Variants in NAP1L1 observed in about 807,000 individuals in gnomAD.
The protein encoded by NAP1L1 is nucleosome assembly protein 1 like 1.
NAP1L1 carries 9 observed loss-of-function variants against 58.9 expected under a neutral mutation model. That is an observed-to-expected ratio of 0.15 (90% CI 0.09 to 0.27). The LOEUF (loss-of-function observed/expected upper bound fraction) is 0.27. NAP1L1 is among the 10% of genes least tolerant of loss of function. NAP1L1 has a pLI of 1.00. For missense variants in NAP1L1, 302 were observed against 458.8 expected, an observed-to-expected ratio of 0.66 and a Z score of 3.12; for synonymous variants, 130 against 138.3, an observed-to-expected ratio of 0.94 and a Z score of 0.42.
At chr12:76,073,113 G>C (rs1056751275) in intron 2 of NAP1L1, among the ~76,000 whole-genome samples, 1 of 151,288 alleles carries the variant, frequency 6.6e-6, no homozygotes, top group Non-Finnish European at 1.5e-5. Flanking sequence ...CACTCTTCTC[G>C]TTTTTTTTAA....
chr12:76,054,212 TACAG>T (rs1487411505), intron 8 of NAP1L1, among the ~76,000 whole-genome samples: 1 of 152,096 alleles, frequency 6.6e-6, no homozygotes, highest in African/African-American at 2.4e-5. Flanking sequence ...GTATTTTTAG[TACAG>T]ACAGTGTTTC....
intron 4 of NAP1L1, among the ~76,000 whole-genome samples, chr12:76,065,149 T>C (rs1023567870): frequency 6.6e-6 from 1 of 152,122 alleles, no homozygotes; most frequent in African/African-American, 2.4e-5. Context: ...CAAGGCTAGT[T>C]TGATATCCAA....
chr12:76,057,573 C>T (rs953700921), intron 6 of NAP1L1: 5 of 951,880 alleles, frequency 5.3e-6, no homozygotes, highest in African/African-American at 4.8e-5. Flanking sequence ...ATAGGGCTGA[C>T]TGCAAAGGAG....
chr12:76,051,248 TTAAACA>T (rs1264435746), intron 11 of NAP1L1, among the ~76,000 whole-genome samples: 1 of 152,076 alleles, frequency 6.6e-6, no homozygotes, highest in Non-Finnish European at 1.5e-5. Flanking sequence ...TTTTGCTGGT[TTAAACA>T]TAAATACATA....
In NAP1L1 at chr12:76,046,649, T is replaced by G. The variant is rs1948613883; in HGVS notation, c.*1780A>C. ...ACAATGTGTTCACATTCCAAGACCT[T>G]AACACTAACTTCTCAGAAAGGAAGT... On this transcript the variant is annotated 3_prime_UTR_variant, in exon 15 of 15. Coordinates refer to ENST00000618691, the MANE Select transcript of NAP1L1 (RefSeq NM_004537.7). 1 of 152,454 alleles carries G rather than the reference T, an allele frequency of 6.6e-6. No individual in the cohort carries two copies. The highest frequency in any genetic ancestry group is 2.4e-5 in the African/African-American group (1 of 41,450). The allele number at this position is 152,454 out of a possible 1,614,324, so 9.4% of individuals were successfully genotyped here.
intron 13 of NAP1L1, 38 bp downstream of exon 13, chr12:76,049,718 A>C: frequency 1.2e-6 from 2 of 1,609,344 alleles, no homozygotes; most frequent in Non-Finnish European, 1.7e-6. Flanking sequence ...TCAATGTGTT[A>C]ACCACAGAGA....
intron 11 of NAP1L1, among the ~76,000 whole-genome samples, chr12:76,051,657 A>G (rs1051934603): frequency 2.0e-5 from 3 of 152,154 alleles, no homozygotes; most frequent in African/African-American, 7.2e-5. Context: ...CTGAAGCTGT[A>G]CCTGGCTTAG....
At chr12:76,078,192 A>G (rs990565034) in intron 1 of NAP1L1, among the ~76,000 whole-genome samples, 1 of 152,044 alleles carries the variant, frequency 6.6e-6, no homozygotes. Context: ...GGTTTTAACC[A>G]AAGTTAAAAT....
At chr12:76,058,009 CAGA>C (rs1949201259) in intron 6 of NAP1L1, 2 of 809,544 alleles carry the variant, frequency 2.5e-6, no homozygotes, top group South Asian at 1.3e-5. Flanking sequence ...GCCTCAGTAA[CAGA>C]GGAGGATGAA....
At chr12:76,076,867 G>GGT (rs1387878634) in intron 1 of NAP1L1, among the ~76,000 whole-genome samples, 1 of 151,984 alleles carries the variant, frequency 6.6e-6, no homozygotes, top group African/African-American at 2.4e-5. Flanking sequence ...ATTGCTCCCA[G>GGT]GCTACACACC....
At chr12:76,064,637 CAACCAGCAGAATTAA>C (rs1482946715) in intron 4 of NAP1L1, among the ~76,000 whole-genome samples, 1 of 152,072 alleles carries the variant, frequency 6.6e-6, no homozygotes, top group African/African-American at 2.4e-5. Flanking sequence ...AAGATCAAGA[CAACCAGCAGAATTAA>C]GATGCAAAAT....
In NAP1L1 at chr12:76,048,479, C is replaced by T. The variant is rs1948676985; in HGVS notation, c.1141-15G>A. On this transcript the variant is annotated splice_polypyrimidine_tract_variant and intron_variant, in intron 14 of 14. Coordinates refer to ENST00000618691, the MANE Select transcript of NAP1L1 (RefSeq NM_004537.7). ...TTTTGATCCTTCTGTTAAAGGAAAA[C>T]AACAAGTCAATCTATCTTCTTCTAC... 2 of 1,613,490 alleles carry T rather than the reference C, an allele frequency of 1.2e-6. No homozygotes were observed. Among genetic ancestry groups the T allele is most frequent in the Non-Finnish European group, 1.7e-6 (2 of 1,179,562 alleles).
At chr12:76,069,287 G>A (rs1013798196) in intron 2 of NAP1L1, among the ~76,000 whole-genome samples, 4 of 152,244 alleles carry the variant, frequency 2.6e-5, no homozygotes, top group Non-Finnish European at 5.9e-5. Context: ...GCATTCAACC[G>A]AATATCTACT....
intron 1 of NAP1L1, among the ~76,000 whole-genome samples, chr12:76,083,520 A>G (rs1396128474): frequency 6.7e-6 from 1 of 149,496 alleles, no homozygotes; most frequent in Non-Finnish European, 1.5e-5. Flanking sequence ...GTTGGGCCAC[A>G]TTTAAAGCCG....
chr12:76,042,513 T>A lies in NAP1L1; in HGVS notation c.*5916A>T, dbSNP rs1209429226. 1 of 152,232 alleles carries A rather than the reference T, an allele frequency of 6.6e-6. No individual in the cohort carries two copies. Among genetic ancestry groups the A allele is most frequent in the African/African-American group, 2.4e-5 (1 of 41,458 alleles). 9.4% of individuals were successfully genotyped at this position (152,232 alleles called of 1,614,324 possible). ...AAAAGTTTTAGTCTAAAATTAGATC[T>A]CCATTTTTATTCATGGATTCTTATT... On this transcript the variant is annotated 3_prime_UTR_variant, in exon 15 of 15. Coordinates refer to ENST00000618691, the MANE Select transcript of NAP1L1 (RefSeq NM_004537.7).
In NAP1L1 at chr12:76,060,293, A is replaced by T; in HGVS notation, c.207-14T>A. ...ACCCTAGGCAGGCTGAAAGGTTAGA[A>T]ATCAGTTATATAGCATCAGAGTAAA... is the stretch of plus-strand genomic sequence containing the variant. On this transcript the variant is annotated splice_polypyrimidine_tract_variant and intron_variant, in intron 4 of 14. Transcript: ENST00000618691. 1.2e-6 allele frequency: 2 copies of T among 1,612,952 alleles called. No homozygotes were observed. The highest frequency in any genetic ancestry group is 1.7e-6 in the Non-Finnish European group (2 of 1,179,452).
chr12:76,071,160 C>T (rs891575094), intron 2 of NAP1L1, among the ~76,000 whole-genome samples: 1 of 152,184 alleles, frequency 6.6e-6, no homozygotes, highest in Non-Finnish European at 1.5e-5. Flanking sequence ...CCCACAGACA[C>T]AGAGGGCCAA....
At chr12:76,054,583 C>G (rs1381566640) in intron 8 of NAP1L1, among the ~76,000 whole-genome samples, 1 of 152,132 alleles carries the variant, frequency 6.6e-6, no homozygotes, top group East Asian at 1.9e-4. Context: ...GTGAACTTGA[C>G]ACAGAAAAAG....
At chr12:76,051,978 C>T (rs568281246) in intron 11 of NAP1L1, among the ~76,000 whole-genome samples, 38 of 151,782 alleles carry the variant, frequency 2.5e-4, no homozygotes, top group East Asian at 2.3e-3. Flanking sequence ...CGCACCACTG[C>T]ACTCCAGCCT....
Sources: gnomAD v4.1 joint callset for allele counts (sites outside exome capture counted in the v4.1 genomes callset) on GRCh38, gnomAD v4.1.1 for gene constraint, MANE v1.5 for transcripts, NCBI Gene and HGNC (gene_info 2026-07-23, HGNC 2026-07-21) for gene names.